ME3: variants seen among roughly 807,000 people sequenced by gnomAD.
The protein encoded by ME3 is NADP-dependent malic enzyme, mitochondrial.
ME3 carries 48 observed loss-of-function variants against 68.9 expected under a neutral mutation model. The ratio of observed to expected loss-of-function variants is 0.70; its 90% CI spans 0.55 to 0.89. The LOEUF is 0.89. Among genes scored for constraint, ME3 ranks in the 40% least tolerant of loss-of-function variants. ME3 has a pLI of 0.00. For missense variants in ME3, 675 were observed against 797.4 expected, an observed-to-expected ratio of 0.85 and a Z score of 1.85; for synonymous variants, 320 against 318.8, an observed-to-expected ratio of 1.00 and a Z score of -0.04.
intron 7 of ME3, among the ~76,000 whole-genome samples, chr11:86,482,933 G>A (rs1414798703): frequency 6.6e-6 from 1 of 152,098 alleles, no homozygotes; most frequent in Non-Finnish European, 1.5e-5. Flanking sequence ...AGAATCAAGA[G>A]CAAATAAAAT....
intron 2 of ME3, among the ~76,000 whole-genome samples, chr11:86,667,137 C>T (rs1006102911): frequency 1.3e-5 from 2 of 152,216 alleles, no homozygotes; most frequent in Non-Finnish European, 2.9e-5. Context: ...CCCGTGGTGC[C>T]TTGCAGTCTC....
intron 4 of ME3, among the ~76,000 whole-genome samples, chr11:86,542,191 A>G (rs368766106): frequency 1.3e-5 from 2 of 152,362 alleles, no homozygotes; most frequent in East Asian, 3.9e-4. Context: ...ATCCACAAAG[A>G]TGAGGAAAAA....
chr11:86,510,616 T>C (rs1012653304), intron 4 of ME3, among the ~76,000 whole-genome samples: 1 of 152,182 alleles, frequency 6.6e-6, no homozygotes, highest in Non-Finnish European at 1.5e-5. Flanking sequence ...GGGGTGTGGT[T>C]GTCCTGCACA....
At chr11:86,540,975 C>T (rs1956008561) in intron 4 of ME3, among the ~76,000 whole-genome samples, 1 of 152,166 alleles carries the variant, frequency 6.6e-6, no homozygotes, top group Non-Finnish European at 1.5e-5. Context: ...ACAGTGGGTG[C>T]AGCCCATGGA....
intron 4 of ME3, among the ~76,000 whole-genome samples, chr11:86,543,897 A>T (rs1448164666): frequency 6.6e-6 from 1 of 151,830 alleles, no homozygotes; most frequent in African/African-American, 2.4e-5. Context: ...TCAACCACAT[A>T]ATTGGAAGTA....
At chr11:86,445,950 C>T (rs1444472294) in intron 13 of ME3, among the ~76,000 whole-genome samples, 1 of 152,118 alleles carries the variant, frequency 6.6e-6, no homozygotes, top group Non-Finnish European at 1.5e-5. Context: ...TGGAAGAATC[C>T]ATCACCTATC....
intron 2 of ME3, among the ~76,000 whole-genome samples, chr11:86,609,056 G>A (rs1227697395): frequency 6.6e-6 from 1 of 152,128 alleles, no homozygotes; most frequent in Non-Finnish European, 1.5e-5. Flanking sequence ...AGATTCTATA[G>A]TTAGCACCAT....
chr11:86,448,506 G>T lies in ME3; in HGVS notation c.1132-251C>A, dbSNP rs368187135. Among the ~76,000 whole-genome samples the T allele has an allele frequency of 7.2e-5, 11 of 152,270 alleles. No homozygotes were observed. The South Asian group carries it at 1.0e-3, about 14-fold the overall frequency. Reference sequence around the variant, plus strand: ...AAACCACATATGGAGAATCCATAAAGAATTTATTTGAGCTGTTAGGATTAT... The same window carrying T: ...AAACCACATATGGAGAATCCATAAATAATTTATTTGAGCTGTTAGGATTAT... On this transcript the variant is annotated intron_variant, in intron 10 of 14. Transcript: ENST00000543262.
At chr11:86,533,674 G>A (rs1343772723) in intron 4 of ME3, among the ~76,000 whole-genome samples, 1 of 152,076 alleles carries the variant, frequency 6.6e-6, no homozygotes. Context: ...AGCCAGACGA[G>A]GACACTACAA....
intron 8 of ME3, among the ~76,000 whole-genome samples, chr11:86,453,533 C>G (rs80172229): frequency 4.6e-5 from 7 of 152,166 alleles, no homozygotes; most frequent in Non-Finnish European, 7.3e-5. Context: ...GCTTCCCCCC[C>G]ACCACCCCAG....
intron 4 of ME3, among the ~76,000 whole-genome samples, chr11:86,538,852 G>A (rs1241452919): frequency 2.0e-5 from 3 of 152,188 alleles, no homozygotes; most frequent in Non-Finnish European, 4.4e-5. Context: ...ACCCTGGCCA[G>A]TGGAGCCATT....
intron 8 of ME3, among the ~76,000 whole-genome samples, chr11:86,452,204 G>A (rs967989533): frequency 2.6e-5 from 4 of 152,164 alleles, no homozygotes; most frequent in African/African-American, 9.7e-5. Context: ...TAGTTGCCAA[G>A]AAGGAAATAC....
chr11:86,583,694 G>A (rs1307331525), intron 2 of ME3, among the ~76,000 whole-genome samples: 1 of 152,100 alleles, frequency 6.6e-6, no homozygotes, highest in Non-Finnish European at 1.5e-5. Context: ...CTTCCCTGAG[G>A]AAGCAATATC....
At chr11:86,569,102 TCTC>T (rs1448716807) in intron 2 of ME3, among the ~76,000 whole-genome samples, 1 of 152,180 alleles carries the variant, frequency 6.6e-6, no homozygotes. Context: ...CACCAGCTGT[TCTC>T]CTTATTACTA....
At position 86,499,113 on chromosome 11, in the gene ME3, A is replaced by G. The variant is rs1952553828; in HGVS notation, c.544-989T>C. On this transcript the variant is annotated intron_variant, in intron 5 of 14. Coordinates refer to ENST00000543262, the Ensembl canonical transcript of ME3. ...AACGGACACACATGCCCTACCTTGG[A>G]CAGGTGGAGATTGTGGGGTATGGGT... is the stretch of plus-strand genomic sequence containing the variant. Among the ~76,000 whole-genome samples, 2 of 152,170 alleles carry G rather than the reference A, an allele frequency of 1.3e-5. 1 individual carries two copies. Among genetic ancestry groups the G allele is most frequent in the South Asian group, 4.1e-4 (2 of 4,820 alleles).
intron 2 of ME3, among the ~76,000 whole-genome samples, chr11:86,616,022 T>A (rs913346220): frequency 2.6e-5 from 4 of 152,244 alleles, no homozygotes; most frequent in Admixed American, 1.3e-4. Flanking sequence ...GACATTTTGG[T>A]ATATGTTCTT....
rs190093943 is a variant in ME3 at position 86,462,576 on chromosome 11, G to A, written c.919+2515C>T. 8.4e-4 allele frequency: 1,081 copies of A among 1,283,832 alleles called. 1 individual carries two copies. The highest frequency in any genetic ancestry group is 5.3e-3 in the Middle Eastern group (24 of 4,536). The allele number at this position is 1,283,832 out of a possible 1,614,324, so 79.5% of individuals were successfully genotyped here. The stretch of plus-strand genomic sequence containing the variant: ...TGTAGACATACTCACATGAACAGGT[G>A]GGTGTGCTTATGAGGATGTCAGTTT... On this transcript the variant is annotated intron_variant, in intron 8 of 14. Coordinates refer to ENST00000543262, the Ensembl canonical transcript of ME3.
chr11:86,584,141 T>G (rs1024580803), intron 2 of ME3, among the ~76,000 whole-genome samples: 3 of 152,108 alleles, frequency 2.0e-5, no homozygotes, highest in Non-Finnish European at 4.4e-5. Flanking sequence ...ATAACCTGAT[T>G]GTAAAATGGG....
intron 2 of ME3, among the ~76,000 whole-genome samples, chr11:86,587,947 A>G (rs1337576333): frequency 6.6e-6 from 1 of 152,240 alleles, no homozygotes; most frequent in Non-Finnish European, 1.5e-5. Flanking sequence ...GTCTGGATGT[A>G]TGGCCTTAAG....
Sources: gnomAD v4.1 joint callset for allele counts (sites outside exome capture counted in the v4.1 genomes callset) on GRCh38, gnomAD v4.1.1 for gene constraint, MANE v1.5 for transcripts, NCBI Gene and HGNC (gene_info 2026-07-23, HGNC 2026-07-21) for gene names.